The following SEZ6L variants were observed in gnomAD, a reference collection of about 807,000 sequenced individuals.
SEZ6L encodes seizure related 6 homolog like.
SEZ6L carries 37 observed loss-of-function variants against 106.2 expected under a neutral mutation model. The observed-to-expected ratio is 0.35, with a 90% CI of 0.27 to 0.46. The LOEUF is 0.46. SEZ6L is among the 20% of genes least tolerant of loss of function. The pLI, the probability that SEZ6L is intolerant of heterozygous loss-of-function variation, is 1.00. For synonymous variants in SEZ6L, 541 were observed against 570.4 expected, an observed-to-expected ratio of 0.95 and a Z score of 0.73; for missense variants, 1,172 against 1,332.8, an observed-to-expected ratio of 0.88 and a Z score of 1.88.
intron 1 of SEZ6L, among the ~76,000 whole-genome samples, chr22:26,217,745 A>T (rs556517728): frequency 5.9e-5 from 9 of 152,234 alleles, no homozygotes; most frequent in Non-Finnish European, 1.3e-4. Context: ...TGGGCCTCGC[A>T]AATACAACAT....
At chr22:26,262,340 G>T (rs1191031272) in intron 1 of SEZ6L, among the ~76,000 whole-genome samples, 1 of 151,602 alleles carries the variant, frequency 6.6e-6, no homozygotes, top group Non-Finnish European at 1.5e-5. Context: ...TATATGGCAG[G>T]TGTGAGACTC....
intron 9 of SEZ6L, 128 bp downstream of exon 9, chr22:26,314,030 A>T: frequency 2.3e-6 from 2 of 888,526 alleles, no homozygotes; most frequent in Non-Finnish European, 3.6e-6. Context: ...CTATGCAGAG[A>T]ACAGGCATTC....
At position 26,332,210 on chromosome 22, in the gene SEZ6L, C is replaced by T. The variant is rs555694732; in HGVS notation, c.2016-8226C>T. The stretch of plus-strand genomic sequence containing the variant: ...TGTTGCCCAGGCTGGAGTGCAGTGG[C>T]GCGATCTCGGCTCACTGCAACCTCC... On this transcript the variant is annotated intron_variant, in intron 9 of 16. Coordinates refer to ENST00000248933, the MANE Select transcript of SEZ6L (RefSeq NM_021115.5). Among the ~76,000 whole-genome samples the T allele has an allele frequency of 8.5e-4, 119 of 140,212 alleles. 1 individual carries two copies. In the East Asian group the frequency reaches 0.015, roughly 17 times the overall value. 92.0% of individuals were successfully genotyped at this position (140,212 alleles called of 152,430 possible).
At chr22:26,346,396 A>C (rs575636207) in intron 10 of SEZ6L, among the ~76,000 whole-genome samples, 2 of 152,338 alleles carry the variant, frequency 1.3e-5, no homozygotes, top group African/African-American at 4.8e-5. Flanking sequence ...AAATGCATAT[A>C]TTACTTATTC....
intron 9 of SEZ6L, among the ~76,000 whole-genome samples, chr22:26,325,748 T>C (rs569833916): frequency 9.8e-6 from 1 of 102,170 alleles, no homozygotes; most frequent in East Asian, 2.3e-4. Flanking sequence ...AAAATAACAA[T>C]GGTACCCATC....
chr22:26,222,723 T>C (rs999690586), intron 1 of SEZ6L, among the ~76,000 whole-genome samples: 1 of 152,206 alleles, frequency 6.6e-6, no homozygotes, highest in Non-Finnish European at 1.5e-5. Context: ...TGGGTTTACA[T>C]AAAAAAATTT....
Position 26,296,924 on chromosome 22 carries a change from T to A in SEZ6L, c.1006T>A (p.Ser336Thr). 6.2e-7 allele frequency: 1 copy of A among 1,612,704 alleles called. No individual in the cohort carries two copies. Among genetic ancestry groups the A allele is most frequent in the Non-Finnish European group, 8.5e-7 (1 of 1,179,272 alleles). Residue 336 changes from serine to threonine, a missense_variant, in exon 4 of 17, where the codon TCC (serine) becomes ACC (threonine). Ser to Thr is a moderately conservative substitution (Grantham distance 58). Transcript: ENST00000248933. ...SVNLSDGELLSIRGVDGPTLT... is the reference protein window; with the variant it reads ...SVNLSDGELLTIRGVDGPTLT... ...GAACCTGTCCGATGGGGAACTGCTC[T>A]CCATCCGCGGGGTGGACGGCCCTAC...
chr22:26,308,020 T>C (rs1233248417), intron 6 of SEZ6L, among the ~76,000 whole-genome samples: 1 of 151,846 alleles, frequency 6.6e-6, no homozygotes, highest in East Asian at 1.9e-4. Flanking sequence ...GTTTGTAGAG[T>C]TCATCAAGGT....
chr22:26,281,552 T>G (rs192217207), intron 1 of SEZ6L, among the ~76,000 whole-genome samples: 50 of 151,676 alleles, frequency 3.3e-4, no homozygotes, highest in Non-Finnish European at 6.3e-4. Context: ...TTTTTTTAAA[T>G]TTTTTTTAGT....
At chr22:26,251,071 C>A (rs1480055000) in intron 1 of SEZ6L, among the ~76,000 whole-genome samples, 1 of 152,100 alleles carries the variant, frequency 6.6e-6, no homozygotes, top group Non-Finnish European at 1.5e-5. Flanking sequence ...TTGGTGGAGT[C>A]TTTAGTTTTT....
intron 1 of SEZ6L, among the ~76,000 whole-genome samples, chr22:26,248,197 G>T (rs190981275): frequency 9.7e-4 from 148 of 152,310 alleles, no homozygotes; most frequent in Non-Finnish European, 3.4e-4. Context: ...TATTCAGAAT[G>T]CCTCCAGTGT....
intron 6 of SEZ6L, among the ~76,000 whole-genome samples, chr22:26,306,804 G>A (rs753388466): frequency 3.9e-5 from 6 of 152,086 alleles, no homozygotes; most frequent in African/African-American, 9.7e-5. Flanking sequence ...GGATATTCTG[G>A]CGTCTTATTC....
chr22:26,246,282 C>T (rs993810446), intron 1 of SEZ6L, among the ~76,000 whole-genome samples: 3 of 152,214 alleles, frequency 2.0e-5, no homozygotes, highest in Non-Finnish European at 2.9e-5. Flanking sequence ...TAGAAAGACA[C>T]CTTCCTTTAC....
intron 9 of SEZ6L, among the ~76,000 whole-genome samples, chr22:26,332,159 T>C (rs1021057805): frequency 6.8e-6 from 1 of 147,968 alleles, no homozygotes; most frequent in African/African-American, 2.5e-5. Context: ...TTTTTTTTTT[T>C]TTTTTTTTGA....
At chr22:26,347,056 C>T (rs1228978318) in intron 10 of SEZ6L, among the ~76,000 whole-genome samples, 1 of 151,538 alleles carries the variant, frequency 6.6e-6, no homozygotes, top group Non-Finnish European at 1.5e-5. Context: ...TTAGCCAGGC[C>T]ATGGTGGTAC....
chr22:26,185,069 G>A (rs1055460249), intron 1 of SEZ6L, among the ~76,000 whole-genome samples: 1 of 152,214 alleles, frequency 6.6e-6, no homozygotes, highest in African/African-American at 2.4e-5. Context: ...GAGCAACAGA[G>A]CAAGACTCTG....
chr22:26,308,148 A>G (rs991707204), intron 6 of SEZ6L, among the ~76,000 whole-genome samples: 1 of 152,214 alleles, frequency 6.6e-6, no homozygotes, highest in African/African-American at 2.4e-5. Flanking sequence ...CTAAAATACC[A>G]CAATATGTCA....
At chr22:26,347,588 C>A in intron 10 of SEZ6L, 131 bp from the exon 11 acceptor site, 3 of 674,588 alleles carry the variant, frequency 4.4e-6, no homozygotes, top group East Asian at 3.3e-5. Flanking sequence ...GCCAGTTAAG[C>A]GATTTTGGAA....
At position 26,377,773 on chromosome 22, in the gene SEZ6L, G is replaced by A. The variant is rs2146089443; in HGVS notation, c.3043G>A (p.Gly1015Arg). The change falls in exon 16 of 17, where the codon GGG becomes AGG. Residue 1015 changes from glycine to arginine, a missense_variant and splice_region_variant. Physicochemically the swap from Gly to Arg is moderately radical, Grantham distance 125 (BLOSUM62 -2). Coordinates refer to ENST00000248933, the MANE Select transcript of SEZ6L (RefSeq NM_021115.5). The part of the protein sequence containing the change: ...TEFDNPIYET[G>R]ETREYEVSI Reference sequence around the variant, plus strand: ...GTTTGACAACCCCATTTACGAGACAGGGGTGAGTTGGTCTCTCTCGTCTCT... The same window carrying A: ...GTTTGACAACCCCATTTACGAGACAAGGGTGAGTTGGTCTCTCTCGTCTCT... The A allele has an allele frequency of 1.2e-6, 2 of 1,605,326 alleles. No individual in the cohort carries two copies. The highest frequency in any genetic ancestry group is 2.2e-5 in the East Asian group (1 of 44,822).
Sources: gnomAD v4.1 joint callset for allele counts (sites outside exome capture counted in the v4.1 genomes callset) on GRCh38, gnomAD v4.1.1 for gene constraint, MANE v1.5 for transcripts, NCBI Gene and HGNC (gene_info 2026-07-23, HGNC 2026-07-21) for gene names.